Variants in TMEM132D observed in about 807,000 individuals in gnomAD.
TMEM132D encodes mature OL transmembrane protein.
A neutral mutation model predicts 62.3 loss-of-function variants in TMEM132D; 21 were observed. The ratio of observed to expected loss-of-function variants is 0.34; its 90% CI spans 0.24 to 0.49. The LOEUF is 0.49. Ranked by LOEUF, TMEM132D falls within the 20% of genes least tolerant of loss-of-function variation. The pLI, the probability that TMEM132D is intolerant of heterozygous loss-of-function variation, is 0.99. For missense variants in TMEM132D, 1,346 were observed against 1,402.8 expected (o/e 0.96, Z 0.65); for synonymous variants, 621 against 575.6 (o/e 1.08, Z -1.13).
At chr12:129,452,151 A>G (rs148360450) in intron 3 of TMEM132D, among the ~76,000 whole-genome samples, 1 of 152,316 alleles carries the variant, frequency 6.6e-6, no homozygotes, top group East Asian at 1.9e-4. Flanking sequence ...ACACCGTTCC[A>G]TCTGGCCCAC....
At chr12:129,610,748 A>C (rs573053983) in intron 2 of TMEM132D, among the ~76,000 whole-genome samples, 38 of 152,282 alleles carry the variant, frequency 2.5e-4, no homozygotes, top group African/African-American at 8.7e-4. Context: ...CATAAAAAAA[A>C]AAAACTTTAG....
At chr12:129,636,972 T>C (rs1879501082) in intron 2 of TMEM132D, among the ~76,000 whole-genome samples, 1 of 151,926 alleles carries the variant, frequency 6.6e-6, no homozygotes, top group East Asian at 1.9e-4. Context: ...GAAACAAAAC[T>C]CTCATTTCTA....
intron 3 of TMEM132D, among the ~76,000 whole-genome samples, chr12:129,485,429 C>T (rs567004052): frequency 9.8e-5 from 15 of 152,308 alleles, no homozygotes; most frequent in African/African-American, 3.1e-4. Flanking sequence ...CTGAGGTCCA[C>T]ATTCAGGGCT....
chr12:129,854,239 C>A (rs905350958), intron 1 of TMEM132D, among the ~76,000 whole-genome samples: 1 of 152,162 alleles, frequency 6.6e-6, no homozygotes, highest in South Asian at 2.1e-4. Flanking sequence ...CACTATGTCC[C>A]AGGCACTGTC....
rs182413347 is a variant in TMEM132D, at chr12:129,282,534, C to T, written c.1299+55100G>A. 2.6e-5 allele frequency among the ~76,000 whole-genome samples: 4 copies of T among 152,202 alleles called. No homozygotes were observed. The East Asian group carries it at 7.8e-4, about 30-fold the overall frequency. On this transcript the variant is annotated intron_variant, in intron 4 of 8. Transcript: ENST00000422113. The stretch of plus-strand genomic sequence containing the variant: ...ACTAAAAACCGAAGACCAGGTGGAA[C>T]GATTTTCCTGGAGATTTGGCAACCC...
chr12:129,780,870 A>C (rs1341806672), intron 1 of TMEM132D, among the ~76,000 whole-genome samples: 1 of 152,224 alleles, frequency 6.6e-6, no homozygotes, highest in East Asian at 1.9e-4. Flanking sequence ...CTGGGGAGAC[A>C]GCTGATTAAC....
At chr12:129,281,922 G>A (rs1020374326) in intron 4 of TMEM132D, among the ~76,000 whole-genome samples, 2 of 152,170 alleles carry the variant, frequency 1.3e-5, no homozygotes, top group African/African-American at 4.8e-5. Flanking sequence ...ACTCAGTGAT[G>A]GCATCTATGC....
chr12:129,875,846 A>C (rs922360385), intron 1 of TMEM132D, among the ~76,000 whole-genome samples: 3 of 152,320 alleles, frequency 2.0e-5, no homozygotes, highest in African/African-American at 4.8e-5. Context: ...TAAGAAAACA[A>C]CACCAACAAA....
chr12:129,596,922 C>T (rs1878352760), intron 2 of TMEM132D, among the ~76,000 whole-genome samples: 1 of 152,140 alleles, frequency 6.6e-6, no homozygotes, highest in Admixed American at 6.5e-5. Context: ...ATGGGAAAAT[C>T]CTACCTTTAA....
chr12:129,637,947 C>T (rs1322225614), intron 2 of TMEM132D, among the ~76,000 whole-genome samples: 1 of 152,128 alleles, frequency 6.6e-6, no homozygotes, highest in Non-Finnish European at 1.5e-5. Flanking sequence ...CCCCCATGAT[C>T]CAAACACCTC....
intron 3 of TMEM132D, among the ~76,000 whole-genome samples, chr12:129,392,946 G>A (rs529135006): frequency 9.2e-5 from 14 of 152,344 alleles, no homozygotes; most frequent in African/African-American, 3.4e-4. Context: ...TAAACTTGGA[G>A]GGTATGCATC....
intron 3 of TMEM132D, among the ~76,000 whole-genome samples, chr12:129,370,504 T>G (rs1328804324): frequency 6.6e-6 from 1 of 152,222 alleles, no homozygotes; most frequent in Non-Finnish European, 1.5e-5. Context: ...CAGGTTCATT[T>G]ATGAATGGCC....
chr12:129,685,267 G>A (rs554917597), intron 2 of TMEM132D, among the ~76,000 whole-genome samples: 2 of 152,280 alleles, frequency 1.3e-5, no homozygotes, highest in African/African-American at 4.8e-5. Flanking sequence ...AGGCCTAGGA[G>A]GAAAAAATGG....
chr12:129,353,991 T>C (rs2135669944), intron 3 of TMEM132D, among the ~76,000 whole-genome samples: 1 of 152,130 alleles, frequency 6.6e-6, no homozygotes, highest in East Asian at 1.9e-4. Flanking sequence ...GACTCCTTTG[T>C]GCATGGGACT....
chr12:129,300,291 A>G lies in TMEM132D; in HGVS notation c.1299+37343T>C, dbSNP rs1376136184. 3.9e-5 allele frequency among the ~76,000 whole-genome samples: 6 copies of G among 152,344 alleles called. 1 individual carries two copies. In the East Asian group the frequency reaches 1.2e-3, roughly 29 times the overall value. On this transcript the variant is annotated intron_variant, in intron 4 of 8. Transcript: ENST00000422113. ...AGGCAAGTTGCCACATAGGAACCCT[A>G]TAAGAGGAGAGGGTTCTGAGAGCCA...
intron 3 of TMEM132D, among the ~76,000 whole-genome samples, chr12:129,456,437 T>C (rs1249326218): frequency 1.3e-5 from 2 of 152,200 alleles, no homozygotes; most frequent in African/African-American, 4.8e-5. Context: ...CAGGATGCTA[T>C]GGCTTGACAT....
chr12:129,693,763 AC>A (rs1881122602), intron 2 of TMEM132D, among the ~76,000 whole-genome samples: 1 of 152,008 alleles, frequency 6.6e-6, no homozygotes, highest in Non-Finnish European at 1.5e-5. Context: ...CCTCAGGCAG[AC>A]TCTTTGCTTA....
intron 3 of TMEM132D, among the ~76,000 whole-genome samples, chr12:129,422,322 CATA>C (rs1312885273): frequency 3.3e-5 from 5 of 152,032 alleles, no homozygotes; most frequent in African/African-American, 9.7e-5. Context: ...TTGCTTCTCA[CATA>C]ATAAGAAGAG....
intron 5 of TMEM132D, among the ~76,000 whole-genome samples, chr12:129,200,977 A>G (rs968537934): frequency 1.4e-4 from 22 of 152,322 alleles, no homozygotes; most frequent in Middle Eastern, 3.4e-3. Context: ...CCTTAGGAGA[A>G]TGTGTCAAGC....
Sources: allele counts gnomAD v4.1 joint callset (sites outside exome capture counted in the v4.1 genomes callset), GRCh38; gene constraint gnomAD v4.1.1; transcripts MANE v1.5; gene names NCBI Gene and HGNC (gene_info 2026-07-23, HGNC 2026-07-21).